The following GPR31 variants were observed in gnomAD, a reference collection of about 807,000 sequenced individuals.
GPR31 encodes the protein G protein-coupled receptor 31.
For synonymous variants in GPR31, 209 were observed against 183.8 expected, an observed-to-expected ratio of 1.14 and a Z score of -1.11; for missense variants, 394 against 400.5, an observed-to-expected ratio of 0.98 and a Z score of 0.14.
rs754670201 is a variant in GPR31 at position 167,157,648 on chromosome 6, G to T, written c.184C>A (p.Leu62Met). The change falls in exon 1 of 1, where the codon CTG becomes ATG. Residue 62 changes from leucine (L) to methionine (M), a missense_variant. Leu to Met is a conservative substitution (Grantham distance 15, BLOSUM62 2). Transcript: ENST00000366834. ...AGGAAAGGCAGGCACGCAGCCAACA[G>T]CAGGTCAGCCAGGGCCAGGTTGAGC... ...YLLNLALADL[L>M]LAACLPFLAA... The T allele has an allele frequency of 9.9e-6, 16 of 1,613,796 alleles. No homozygotes were observed. The African/African-American group carries it at 1.9e-4, about 19-fold the overall frequency.
In GPR31 at chr6:167,157,148, C is replaced by T. The variant is rs1328606129; in HGVS notation, c.684G>A (p.Val228=). ...GCAGAAAGCACAGAGCAAACAGCAC[C>T]ACCACCAAGGTGACCAGTGCCTGGG... ...QRAQALVTLV[V]VLFALCFLPC... is the part of the protein sequence containing the mutation. Residue 228 remains valine, a synonymous_variant, in exon 1 of 1, where the codon GTG becomes GTA. Transcript: ENST00000366834. 1 of 1,614,100 alleles carries T rather than the reference C, an allele frequency of 6.2e-7. No homozygotes were observed. Among genetic ancestry groups the T allele is most frequent in the Non-Finnish European group, 8.5e-7 (1 of 1,180,042 alleles).
chr6:167,157,619 G>A lies in GPR31; in HGVS notation c.213C>T (p.Ala71=), dbSNP rs542157639. ...AAGCCTGGAGGCTCAGGTAGAAGGC[G>A]GCCAGGAAAGGCAGGCACGCAGCCA... ...LLLAACLPFL[A]AFYLSLQAWH... The change falls in exon 1 of 1, where the codon GCC becomes GCT. Residue 71 remains alanine, a synonymous_variant. Coordinates refer to ENST00000366834, the MANE Select transcript of GPR31 (RefSeq NM_005299.3). The A allele has an allele frequency of 8.1e-6, 13 of 1,613,708 alleles. No individual in the cohort carries two copies. In the East Asian group the frequency reaches 8.9e-5, roughly 11 times the overall value.
At position 167,157,678 on chromosome 6, in the gene GPR31, A is replaced by G; in HGVS notation, c.154T>C (p.Tyr52His). The change falls in exon 1 of 1, where the codon TAC (tyrosine) becomes CAC (histidine). Residue 52 changes from tyrosine to histidine, a missense_variant. Tyr to His is a moderately conservative substitution (Grantham distance 83). Transcript: ENST00000366834. ...TCAGCCAGGGCCAGGTTGAGCAGGT[A>G]GACAGCGTACGGCTTCCACACCCTG... ...RVRVWKPYAV[Y>H]LLNLALADLL... 6.2e-7 allele frequency: 1 copy of G among 1,613,830 alleles called. No individual in the cohort carries two copies. Among genetic ancestry groups the G allele is most frequent in the Non-Finnish European group, 8.5e-7 (1 of 1,179,998 alleles).
chr6:167,157,387 C>T lies in GPR31; in HGVS notation c.445G>A (p.Gly149Ser), dbSNP rs1240312275. Reference sequence around the variant, plus strand: ...TGGGCGGCCTCAGAGATGAGCAAGCCCGGGCAGGTGAGGGCGACCATCAGG... The same window carrying T: ...TGGGCGGCCTCAGAGATGAGCAAGCTCGGGCAGGTGAGGGCGACCATCAGG... ...WLLMVALTCP[G>S]LLISEAAQNS... is the part of the protein sequence containing the mutation. Residue 149 changes from glycine to serine, a missense_variant, in exon 1 of 1, where the codon GGC becomes AGC. Transcript: ENST00000366834. 1.2e-6 allele frequency: 2 copies of T among 1,613,290 alleles called. No homozygotes were observed. Among genetic ancestry groups the T allele is most frequent in the Non-Finnish European group, 1.7e-6 (2 of 1,180,012 alleles).
At position 167,157,503 on chromosome 6, in the gene GPR31, A is replaced by G. The variant is rs763991090; in HGVS notation, c.329T>C (p.Leu110Ser). 3 of 1,613,526 alleles carry G rather than the reference A, an allele frequency of 1.9e-6. No individual in the cohort carries two copies. Among genetic ancestry groups the G allele is most frequent in the Non-Finnish European group, 2.5e-6 (3 of 1,179,832 alleles). ...VGMAFLAAVALDRYLRVVHPR... is the reference protein window; with the variant it reads ...VGMAFLAAVASDRYLRVVHPR... ...GTGGACCACACGGAGGTACCGGTCC[A>G]AAGCCACGGCGGCCAGGAAGGCCAT... The change falls in exon 1 of 1, where the codon TTG (leucine) becomes TCG (serine). Residue 110 changes from leucine to serine, a missense_variant. Leu to Ser is a moderately radical substitution (Grantham distance 145). Coordinates refer to ENST00000366834, the MANE Select transcript of GPR31 (RefSeq NM_005299.3).
Position 167,157,689 on chromosome 6 carries a change from G to C in GPR31, c.143C>G (p.Pro48Arg), listed in dbSNP as rs771966134. The C allele has an allele frequency of 3.7e-6, 6 of 1,613,766 alleles. No homozygotes were observed. Among genetic ancestry groups the C allele is most frequent in the Non-Finnish European group, 5.1e-6 (6 of 1,179,998 alleles). ...CAGGTTGAGCAGGTAGACAGCGTAC[G>C]GCTTCCACACCCTGACCCGGAACAG... ...TFLFRVRVWKPYAVYLLNLAL... is the reference protein window; with the variant it reads ...TFLFRVRVWKRYAVYLLNLAL... The change falls in exon 1 of 1, where the codon CCG becomes CGG. Residue 48 changes from proline (P) to arginine (R), a missense_variant. Transcript: ENST00000366834.
rs1219188957 is a variant in GPR31, at chr6:167,156,876, G to A, written c.956C>T (p.Ser319Phe). The A allele has an allele frequency of 1.3e-6, 2 of 1,590,468 alleles. No individual in the cohort carries two copies. Among genetic ancestry groups the A allele is most frequent in the African/African-American group, 2.7e-5 (2 of 73,920 alleles). The change falls in exon 1 of 1, where the codon TCC (serine) becomes TTC (phenylalanine). Residue 319 changes from serine (S) to phenylalanine (F), a missense_variant. Ser to Phe is a radical substitution (Grantham distance 155). Transcript: ENST00000366834. The surrounding 1 kb of genome is among the most constrained non-coding windows in gnomAD (Gnocchi z 4.5). ...PPDFNPRDSY[S>F] ...CGTTGAGGACGCTGGCTGTTGTCAG[G>A]AATAGGAGTCTCTGGGGTTGAAATC...
Position 167,157,800 on chromosome 6 carries a change from G to A in GPR31, c.32C>T (p.Thr11Ile), listed in dbSNP as rs764796463. ...GACACCCACAGCTGTGGCCACCACA[G>A]TGCTGGGGGCTGAGCAGTTTGGGAA... MPFPNCSAPS[T>I]VVATAVGVLL... is the part of the protein sequence containing the mutation. The change falls in exon 1 of 1, where the codon ACT (threonine) becomes ATT (isoleucine). Residue 11 changes from threonine (T) to isoleucine (I), a missense_variant. Transcript: ENST00000366834. 1 of 1,611,716 alleles carries A rather than the reference G, an allele frequency of 6.2e-7. No homozygotes were observed. Among genetic ancestry groups the A allele is most frequent in the Non-Finnish European group, 8.5e-7 (1 of 1,179,166 alleles).
In GPR31 at chr6:167,156,992, CA is replaced by C; in HGVS notation, c.839del (p.Val280GlyfsTer59). The C allele has an allele frequency of 1.2e-6, 2 of 1,614,088 alleles. No individual in the cohort carries two copies. The highest frequency in any genetic ancestry group is 2.2e-5 in the South Asian group (2 of 91,074). On this transcript the variant is annotated frameshift_variant, in exon 1 of 1. Coordinates refer to ENST00000366834, the MANE Select transcript of GPR31 (RefSeq NM_005299.3). LOFTEE classifies it low-confidence loss of function (END_TRUNC). This position sits in a 1 kb window ranked among gnomAD's most constrained non-coding sequence, Gnocchi z 4.5. The stretch of plus-strand genomic sequence containing the variant: ...AGGTGGGGCTGGAGAAGCAGTATAC[CA>C]CGGGGTTGAGCACACTGTGCAGGTA... ...LTYLHSVLNPVVYCFSSPTFR... is the reference protein window; with the variant it reads ...LTYLHSVLNPXVYCFSSPTFR...
Position 167,157,103 on chromosome 6 carries a change from G to C in GPR31, c.729C>G (p.Val243=). ...LCFLPCFLAR[V]LMHIFQNLGS... ...CCAGATTCTGGAAGATGTGCATCAG[G>C]ACTCTGGCCAGGAAGCAGGGCAGAA... is the stretch of plus-strand genomic sequence containing the variant. The change falls in exon 1 of 1, where the codon GTC becomes GTG. Residue 243 remains valine, a synonymous_variant. Coordinates refer to ENST00000366834, the MANE Select transcript of GPR31 (RefSeq NM_005299.3). 1 of 1,614,228 alleles carries C rather than the reference G, an allele frequency of 6.2e-7. No homozygotes were observed. Among genetic ancestry groups the C allele is most frequent in the Non-Finnish European group, 8.5e-7 (1 of 1,180,046 alleles).
In GPR31 at chr6:167,156,919, G is replaced by C; in HGVS notation, c.913C>G (p.Gln305Glu). 2 of 1,612,968 alleles carry C rather than the reference G, an allele frequency of 1.2e-6. No individual in the cohort carries two copies. Among genetic ancestry groups the C allele is most frequent in the Non-Finnish European group, 1.7e-6 (2 of 1,179,422 alleles). The change falls in exon 1 of 1, where the codon CAG (glutamine) becomes GAG (glutamate). Residue 305 changes from glutamine (Q) to glutamate (E), a missense_variant. Physicochemically the swap from Gln to Glu is conservative, Grantham distance 29. Transcript: ENST00000366834. This position sits in a 1 kb window ranked among gnomAD's most constrained non-coding sequence, Gnocchi z 4.5. The stretch of plus-strand genomic sequence containing the variant: ...TTGAAATCTGGGGGCTCTGCTGCCT[G>C]CCCTTTGCCTCGGAGGGTGTGGAAG... ...RVFHTLRGKG[Q>E]AAEPPDFNPR...
At position 167,155,775 on chromosome 6, in the gene GPR31, C is replaced by T. The variant is rs1471081026; in HGVS notation, c.*1097G>A. On this transcript the variant is annotated 3_prime_UTR_variant, in exon 1 of 1. Transcript: ENST00000366834. ...CCGCCTCCTCTGGGCATGGTGGTGACTGCTTTTTGGCCCTAAGCAAACTTT... is the reference window on the plus strand; with the variant it reads ...CCGCCTCCTCTGGGCATGGTGGTGATTGCTTTTTGGCCCTAAGCAAACTTT... 6.6e-6 allele frequency among the ~76,000 whole-genome samples: 1 copy of T among 152,244 alleles called. No individual in the cohort carries two copies. Among genetic ancestry groups the T allele is most frequent in the African/African-American group, 2.4e-5 (1 of 41,462 alleles).
In GPR31 at chr6:167,157,489, G is replaced by A. The variant is rs150491593; in HGVS notation, c.343C>T (p.Arg115Cys). 26 of 1,613,508 alleles carry A rather than the reference G, an allele frequency of 1.6e-5. No homozygotes were observed. The African/African-American group carries it at 2.7e-4, about 17-fold the overall frequency. The change falls in exon 1 of 1, where the codon CGT becomes TGT. Residue 115 changes from arginine to cysteine, a missense_variant. By Grantham distance (180) the Arg-to-Cys change is radical. Transcript: ENST00000366834. Reference sequence around the variant, plus strand: ...ACCTTAAGCCGAGGGTGGACCACACGGAGGTACCGGTCCAAAGCCACGGCG... The same window carrying A: ...ACCTTAAGCCGAGGGTGGACCACACAGAGGTACCGGTCCAAAGCCACGGCG... ...LAAVALDRYL[R>C]VVHPRLKVNL...
rs778525540 is a variant in GPR31 at position 167,157,266 on chromosome 6, G to A, written c.566C>T (p.Pro189Leu). Residue 189 changes from proline (P) to leucine (L), a missense_variant, in exon 1 of 1, where the codon CCC becomes CTC. Transcript: ENST00000366834. ...ATTGCAGAACACGATGAGGCCAAAG[G>A]GGAGGACAAACTGAAGGCAGGAGAG... ...EALSCLQFVL[P>L]FGLIVFCNAG... The A allele has an allele frequency of 5.8e-5, 93 of 1,614,074 alleles. 1 individual carries two copies. The South Asian group carries it at 9.9e-4, about 17-fold the overall frequency.
Position 167,155,884 on chromosome 6 carries a change from G to A in GPR31, c.*988C>T, listed in dbSNP as rs1782058037. 6.6e-6 allele frequency among the ~76,000 whole-genome samples: 1 copy of A among 152,188 alleles called. No homozygotes were observed. The highest frequency in any genetic ancestry group is 2.1e-4 in the South Asian group (1 of 4,834). On this transcript the variant is annotated 3_prime_UTR_variant, in exon 1 of 1. Transcript: ENST00000366834. Reference sequence around the variant, plus strand: ...TATCATCATCGTGAGACTCAGTTTTGGAATACAATTTACAAGGAATGAGAT... The same window carrying A: ...TATCATCATCGTGAGACTCAGTTTTAGAATACAATTTACAAGGAATGAGAT...
Position 167,156,436 on chromosome 6 carries a change from G to GTT in GPR31, c.*434_*435dup. 5 of 152,698 alleles carry GTT rather than the reference G, an allele frequency of 3.3e-5. No individual in the cohort carries two copies. The highest frequency in any genetic ancestry group is 6.6e-5 in the Admixed American group (1 of 15,260). 9.5% of individuals were successfully genotyped at this position (152,698 alleles called of 1,614,324 possible). On this transcript the variant is annotated 3_prime_UTR_variant, in exon 1 of 1. Transcript: ENST00000366834. The surrounding 1 kb of genome is among the most constrained non-coding windows in gnomAD (Gnocchi z 4.5). The stretch of plus-strand genomic sequence containing the variant: ...GCACAGCAGGTGGGAAGAAAACATA[G>GTT]TTTTTTTTTTGTATTTAAAACTGAA...
chr6:167,156,193 AT>A lies in GPR31; in HGVS notation c.*678del, dbSNP rs1467775575. The A allele has an allele frequency of 6.6e-6, 1 of 152,258 alleles. No individual in the cohort carries two copies. Among genetic ancestry groups the A allele is most frequent in the Non-Finnish European group, 1.5e-5 (1 of 68,042 alleles). The allele number at this position is 152,258 out of a possible 1,614,324, so 9.4% of individuals were successfully genotyped here. On this transcript the variant is annotated 3_prime_UTR_variant, in exon 1 of 1. Coordinates refer to ENST00000366834, the MANE Select transcript of GPR31 (RefSeq NM_005299.3). The surrounding 1 kb of genome is among the most constrained non-coding windows in gnomAD (Gnocchi z 4.5). ...ACTTAAAAAACAGCTCTAGAGGCAA[AT>A]TCCAGAAACGTATCAGGAAAGCATT...
Position 167,157,157 on chromosome 6 carries a change from G to C in GPR31, c.675C>G (p.Thr225=). The C allele has an allele frequency of 6.2e-7, 1 of 1,614,252 alleles. No homozygotes were observed. The highest frequency in any genetic ancestry group is 8.5e-7 in the Non-Finnish European group (1 of 1,180,042). Residue 225 remains threonine, a synonymous_variant, in exon 1 of 1, where the codon ACC becomes ACG. Coordinates refer to ENST00000366834, the MANE Select transcript of GPR31 (RefSeq NM_005299.3). ...PKLQRAQALV[T]LVVVLFALCF... ...ACAGAGCAAACAGCACCACCACCAA[G>C]GTGACCAGTGCCTGGGCCCGCTGAA...
At position 167,156,676 on chromosome 6, in the gene GPR31, AG is replaced by A; in HGVS notation, c.*195del. 1.8e-6 allele frequency: 1 copy of A among 551,578 alleles called. No individual in the cohort carries two copies. The highest frequency in any genetic ancestry group is 3.1e-6 in the Non-Finnish European group (1 of 321,532). The allele number at this position is 551,578 out of a possible 1,614,324, so 34.2% of individuals were successfully genotyped here. A position where few individuals can be genotyped will look rare whatever the true frequency, so the allele number is the denominator to read the frequency against. On this transcript the variant is annotated 3_prime_UTR_variant, in exon 1 of 1. Transcript: ENST00000366834. This position sits in a 1 kb window ranked among gnomAD's most constrained non-coding sequence, Gnocchi z 4.5. ...GTTCATTTTGATTTGCCACTCTACA[AG>A]GTAAAATCACAGAGGACCACCCTGG...
Sources: allele counts gnomAD v4.1 joint callset (sites outside exome capture counted in the v4.1 genomes callset), GRCh38; gene constraint gnomAD v4.1.1; non-coding constraint Gnocchi (gnomAD v3.1); transcripts MANE v1.5; gene names NCBI Gene and HGNC (gene_info 2026-07-23, HGNC 2026-07-21).